Variants in CSMD1 observed in about 807,000 individuals in gnomAD.
The protein encoded by CSMD1 is CUB and sushi domain-containing protein 1.
Under a neutral mutation model 417.5 loss-of-function variants are expected in CSMD1, and 213 were observed. That is an observed-to-expected ratio of 0.51 (90% CI 0.46 to 0.57). The LOEUF (loss-of-function observed/expected upper bound fraction) is 0.57. Ranked by LOEUF, CSMD1 falls within the 20% of genes least tolerant of loss-of-function variation. The pLI is 0.00. For synonymous variants in CSMD1, 2,862 were observed against 1,736.8 expected, an observed-to-expected ratio of 1.65 and a Z score of -16.11; for missense variants, 6,923 against 4,529.7, an observed-to-expected ratio of 1.53 and a Z score of -15.17.
intron 3 of CSMD1, among the ~76,000 whole-genome samples, chr8:4,111,734 A>C (rs1393031641): frequency 6.6e-6 from 1 of 152,280 alleles, no homozygotes; most frequent in East Asian, 1.9e-4. Context: ...ACACATGGAA[A>C]CAGAGAGGGC....
rs192598329 is a variant in CSMD1 at position 4,595,630 on chromosome 8, T to C, written c.302+41712A>G. Among the ~76,000 whole-genome samples, 2 of 152,248 alleles carry C rather than the reference T, an allele frequency of 1.3e-5. 1 individual carries two copies. Among genetic ancestry groups the C allele is most frequent in the East Asian group, 3.9e-4 (2 of 5,164 alleles). On this transcript the variant is annotated intron_variant, in intron 2 of 69. Coordinates refer to ENST00000635120, the MANE Select transcript of CSMD1 (RefSeq NM_033225.6). ...AAGTATAACCAGTGAAGCTGGGTAC[T>C]GCGATGCATGTCTGTAGTCCCAGCT...
chr8:3,493,502 C>T, intron 11 of CSMD1, 121 bp downstream of exon 11: 1 of 691,526 alleles, frequency 1.4e-6, no homozygotes. Context: ...CTACATTAGC[C>T]ATAGATGGCA....
chr8:4,115,981 TTTATTTA>T (rs1409504961), intron 3 of CSMD1, among the ~76,000 whole-genome samples: 1 of 85,198 alleles, frequency 1.2e-5, no homozygotes, highest in Non-Finnish European at 2.6e-5. Flanking sequence ...TATTTATTTA[TTTATTTA>T]TTTATTTATT....
At chr8:4,172,848 CCACAGCCGTGTGCGTAGG>C (rs1295713854) in intron 3 of CSMD1, among the ~76,000 whole-genome samples, 1 of 152,082 alleles carries the variant, frequency 6.6e-6, no homozygotes, top group Non-Finnish European at 1.5e-5. Flanking sequence ...TGAGGGCTGT[CCACAGCCGTGTGCGTAGG>C]CATAAAAGGG....
intron 7 of CSMD1, among the ~76,000 whole-genome samples, chr8:3,664,139 G>C (rs1246904554): frequency 6.6e-6 from 1 of 151,970 alleles, no homozygotes; most frequent in African/African-American, 2.4e-5. Flanking sequence ...CCATTGACTC[G>C]TCATTTAACA....
At chr8:3,697,852 C>A (rs1159502145) in intron 7 of CSMD1, among the ~76,000 whole-genome samples, 1 of 152,100 alleles carries the variant, frequency 6.6e-6, no homozygotes, top group African/African-American at 2.4e-5. Context: ...GTTTCTCATT[C>A]ACTATTTGAG....
At chr8:3,990,555 A>G (rs1814665804) in intron 5 of CSMD1, among the ~76,000 whole-genome samples, 1 of 152,238 alleles carries the variant, frequency 6.6e-6, no homozygotes, top group African/African-American at 2.4e-5. Flanking sequence ...CCACCATTCA[A>G]TAAATTAGAA....
intron 3 of CSMD1, among the ~76,000 whole-genome samples, chr8:4,123,267 G>C (rs866775786): frequency 2.6e-4 from 39 of 152,306 alleles, no homozygotes; most frequent in Admixed American, 6.5e-4. Context: ...AGGCTTTGTA[G>C]CTTTTAGAAT....
intron 3 of CSMD1, among the ~76,000 whole-genome samples, chr8:4,298,543 C>T (rs1204394199): frequency 6.6e-6 from 1 of 152,080 alleles, no homozygotes; most frequent in Non-Finnish European, 1.5e-5. Context: ...ACACATGTAG[C>T]AAAATTGTAC....
chr8:4,115,296 G>A (rs999659185), intron 3 of CSMD1, among the ~76,000 whole-genome samples: 8 of 152,014 alleles, frequency 5.3e-5, no homozygotes, highest in Non-Finnish European at 1.0e-4. Flanking sequence ...TAGCATTTTT[G>A]GCAACAAAAT....
At chr8:3,839,133 A>G (rs1030544519) in intron 5 of CSMD1, among the ~76,000 whole-genome samples, 8 of 127,464 alleles carry the variant, frequency 6.3e-5, no homozygotes, top group Non-Finnish European at 1.1e-4. Context: ...TACTCTCTCT[A>G]GATATATATA....
At chr8:3,050,392 G>A (rs531592485) in intron 50 of CSMD1, among the ~76,000 whole-genome samples, 1 of 152,256 alleles carries the variant, frequency 6.6e-6, no homozygotes, top group East Asian at 1.9e-4. Context: ...TATTTGGCAG[G>A]AAATACAGAC....
chr8:3,786,578 G>T (rs886980526), intron 5 of CSMD1, among the ~76,000 whole-genome samples: 1 of 152,124 alleles, frequency 6.6e-6, no homozygotes, highest in South Asian at 2.1e-4. Flanking sequence ...GGCCTAGGAT[G>T]GACAGGAAAA....
At chr8:4,556,811 A>G (rs1290206817) in intron 2 of CSMD1, among the ~76,000 whole-genome samples, 1 of 152,208 alleles carries the variant, frequency 6.6e-6, no homozygotes, top group East Asian at 1.9e-4. Context: ...ATAAAGCTCA[A>G]ATCAAACACT....
intron 4 of CSMD1, among the ~76,000 whole-genome samples, chr8:4,027,776 T>C (rs976333766): frequency 2.0e-5 from 3 of 152,014 alleles, no homozygotes; most frequent in Admixed American, 6.6e-5. Flanking sequence ...TAAAATAACA[T>C]AGTAAAGGCA....
At chr8:4,900,428 A>G (rs4875123) in intron 1 of CSMD1, among the ~76,000 whole-genome samples, 41,084 of 151,996 alleles carry the variant, frequency 0.27, 6,117 homozygotes, top group African/African-American at 0.4. Flanking sequence ...ATTTCTGGAG[A>G]TGCAGCCTCC....
intron 3 of CSMD1, among the ~76,000 whole-genome samples, chr8:4,396,511 A>C (rs1804226819): frequency 6.6e-6 from 1 of 152,118 alleles, no homozygotes; most frequent in Non-Finnish European, 1.5e-5. Flanking sequence ...GATTGCCAAA[A>C]GCATACGAAG....
chr8:4,347,598 A>G (rs749846428), intron 3 of CSMD1, among the ~76,000 whole-genome samples: 1 of 152,166 alleles, frequency 6.6e-6, no homozygotes, highest in Non-Finnish European at 1.5e-5. Flanking sequence ...GAATGTAGAT[A>G]TTGGCCATCT....
At chr8:4,043,572 G>A (rs1042130601) in intron 3 of CSMD1, among the ~76,000 whole-genome samples, 1 of 152,178 alleles carries the variant, frequency 6.6e-6, no homozygotes, top group Non-Finnish European at 1.5e-5. Context: ...CTGCTGTCTG[G>A]CCGCCTTGAG....
Sources: allele counts gnomAD v4.1 joint callset (sites outside exome capture counted in the v4.1 genomes callset), GRCh38; gene constraint gnomAD v4.1.1; transcripts MANE v1.5; gene names NCBI Gene and HGNC (gene_info 2026-07-23, HGNC 2026-07-21).